Variants in PPP1R9B observed in about 807,000 individuals in gnomAD.
The protein encoded by PPP1R9B is neurabin-2.
PPP1R9B carries 17 observed loss-of-function variants against 75.8 expected under a neutral mutation model. The observed-to-expected ratio is 0.22, with a 90% CI of 0.15 to 0.34. PPP1R9B has a LOEUF of 0.34. Among genes scored for constraint, PPP1R9B ranks in the 10% least tolerant of loss-of-function variants. The probability of loss-of-function intolerance (pLI) is 1.00; values close to 1 mark genes in which losing one functional copy is unlikely to be tolerated. For missense variants in PPP1R9B, 875 were observed against 1,196.0 expected (o/e 0.73, Z 3.96); for synonymous variants, 509 against 535.4 (o/e 0.95, Z 0.68).
At chr17:50,147,704 C>T (rs1169006465) in intron 1 of PPP1R9B, among the ~76,000 whole-genome samples, 1 of 152,088 alleles carries the variant, frequency 6.6e-6, no homozygotes, top group Non-Finnish European at 1.5e-5. Context: ...AGAAACACTA[C>T]AGTCCCCCAT....
chr17:50,135,056 G>A lies in PPP1R9B; in HGVS notation c.*275C>T, dbSNP rs948385663. On this transcript the variant is annotated 3_prime_UTR_variant, in exon 10 of 10. Coordinates refer to ENST00000612501, the MANE Select transcript of PPP1R9B (RefSeq NM_032595.5). ...AGGTGCTTGTGTCCGTCGACCACCAGGCCAGCCCTCGGCAGCCCTCGGCCT... is the reference window on the plus strand; with the variant it reads ...AGGTGCTTGTGTCCGTCGACCACCAAGCCAGCCCTCGGCAGCCCTCGGCCT... 1 of 527,550 alleles carries A rather than the reference G, an allele frequency of 1.9e-6. No homozygotes were observed. Among genetic ancestry groups the A allele is most frequent in the African/African-American group, 1.9e-5 (1 of 52,462 alleles). 32.7% of individuals were successfully genotyped at this position (527,550 alleles called of 1,614,324 possible). A position where few individuals can be genotyped will look rare whatever the true frequency, so the allele number is the denominator to read the frequency against.
Position 50,149,900 on chromosome 17 carries a change from G to T in PPP1R9B, c.614C>A (p.Ser205Tyr). ...GGCGCTGAGCTGGCTGACCGTGGGG[G>T]ACACGGCGTCAGCGTCCAGCTTGTC... ...ALDKLDADAV[S>Y]PTVSQLSAVF... The change falls in exon 1 of 10, where the codon TCC becomes TAC. Residue 205 changes from serine to tyrosine, a missense_variant. Physicochemically the swap from Ser to Tyr is moderately radical, Grantham distance 144. This residue lies in a region of PPP1R9B where 449 missense variants were observed against 475.0 expected (regional missense o/e 0.95). Coordinates refer to ENST00000612501, the MANE Select transcript of PPP1R9B (RefSeq NM_032595.5). The surrounding 1 kb of genome is among the most constrained non-coding windows in gnomAD (Gnocchi z 7.2). 6.6e-7 allele frequency: 1 copy of T among 1,507,308 alleles called. No individual in the cohort carries two copies. The highest frequency in any genetic ancestry group is 8.8e-7 in the Non-Finnish European group (1 of 1,135,278). The allele number at this position is 1,507,308 out of a possible 1,614,324, so 93.4% of individuals were successfully genotyped here.
At position 50,143,461 on chromosome 17, in the gene PPP1R9B, G is replaced by C. The variant is rs566434616; in HGVS notation, c.1625+137C>G. The C allele has an allele frequency of 3.6e-6, 4 of 1,121,474 alleles. No individual in the cohort carries two copies. The African/African-American group carries it at 6.2e-5, about 17-fold the overall frequency. The allele number at this position is 1,121,474 out of a possible 1,614,324, so 69.5% of individuals were successfully genotyped here. On this transcript the variant is annotated intron_variant, in intron 3 of 9. Coordinates refer to ENST00000612501, the MANE Select transcript of PPP1R9B (RefSeq NM_032595.5). ...AGCACCTGGCATGGCAGTGCTCCCCGAACATCTCAGCTGCACACACAGCAC... is the reference window on the plus strand; with the variant it reads ...AGCACCTGGCATGGCAGTGCTCCCCCAACATCTCAGCTGCACACACAGCAC...
rs570006839 is a variant in PPP1R9B, at chr17:50,139,028, G to A, written c.2073+235C>T. ...GATCCTGTGGTGTTGGTGCTATTAC[G>A]ACCTCATTTTATAGATGAGGAGGCT... On this transcript the variant is annotated intron_variant, in intron 7 of 9. Coordinates refer to ENST00000612501, the MANE Select transcript of PPP1R9B (RefSeq NM_032595.5). The surrounding 1 kb of genome is among the most constrained non-coding windows in gnomAD (Gnocchi z 5.0). 6.6e-6 allele frequency among the ~76,000 whole-genome samples: 1 copy of A among 152,334 alleles called. No individual in the cohort carries two copies. Among genetic ancestry groups the A allele is most frequent in the African/African-American group, 2.4e-5 (1 of 41,584 alleles).
Position 50,149,123 on chromosome 17 carries a change from G to A in PPP1R9B, c.1371+20C>T, listed in dbSNP as rs1469604091. 5 of 1,415,194 alleles carry A rather than the reference G, an allele frequency of 3.5e-6. No homozygotes were observed. The East Asian group carries it at 1.1e-4, about 31-fold the overall frequency. The allele number at this position is 1,415,194 out of a possible 1,614,324, so 87.7% of individuals were successfully genotyped here. A position where few individuals can be genotyped will look rare whatever the true frequency, so the allele number is the denominator to read the frequency against. ...ACGTGGCAGGGGCGGCGCGGGGGCA[G>A]GGCGGGGGGGCTCACTTACTTGGAT... is the stretch of plus-strand genomic sequence containing the variant. On this transcript the variant is annotated intron_variant, in intron 1 of 9. Coordinates refer to ENST00000612501, the MANE Select transcript of PPP1R9B (RefSeq NM_032595.5). This position sits in a 1 kb window ranked among gnomAD's most constrained non-coding sequence, Gnocchi z 7.2.
chr17:50,135,659 G>C lies in PPP1R9B; in HGVS notation c.2304-10C>G, dbSNP rs909171224. ...CAGGAACTCGATCTCCCTGGGCACA[G>C]GCAAGGGACAGATGGCAGGTAAGGG... is the stretch of plus-strand genomic sequence containing the variant. On this transcript the variant is annotated splice_polypyrimidine_tract_variant and intron_variant, in intron 8 of 9. Transcript: ENST00000612501. 4 of 1,597,886 alleles carry C rather than the reference G, an allele frequency of 2.5e-6. No individual in the cohort carries two copies. The highest frequency in any genetic ancestry group is 1.1e-5 in the South Asian group (1 of 88,442).
At chr17:50,135,469 TC>T in intron 9 of PPP1R9B, 83 bp downstream of exon 9, 1 of 1,572,548 alleles carries the variant, frequency 6.4e-7, no homozygotes, top group Non-Finnish European at 8.7e-7. Context: ...GGACATGGCA[TC>T]CCCTCCCTCC....
chr17:50,143,904 C>T (rs527542432), intron 2 of PPP1R9B, among the ~76,000 whole-genome samples, 186 bp from the exon 3 acceptor site: 5 of 152,228 alleles, frequency 3.3e-5, no homozygotes, highest in African/African-American at 4.8e-5. Context: ...GCTCCTGAGC[C>T]GCTCCCTGCC....
rs866552700 is a variant in PPP1R9B, at chr17:50,141,269, C to T, written c.1730G>A (p.Arg577Gln). The part of the protein sequence containing the change: ...SVLRNTKGRV[R>Q]FMIGRERPGE... ...ACGCCCCACCCCTCTGGGCTCTCAC[C>T]GCACTCGGCCCTTGGTGTTCCGGAG... Residue 577 changes from arginine to glutamine, a missense_variant and splice_region_variant, in exon 4 of 10, where the codon CGG becomes CAG. Physicochemically the swap from Arg to Gln is conservative, Grantham distance 43. Around this residue, in one of 4 missense-constraint regions of PPP1R9B, gnomAD observed 218 missense variants for 334.6 expected, o/e 0.65. Transcript: ENST00000612501. 1.9e-6 allele frequency: 3 copies of T among 1,571,256 alleles called. No homozygotes were observed. The highest frequency in any genetic ancestry group is 2.6e-6 in the Non-Finnish European group (3 of 1,159,692).
chr17:50,150,181 C>T lies in PPP1R9B; in HGVS notation c.333G>A (p.Leu111=). 1 of 1,457,248 alleles carries T rather than the reference C, an allele frequency of 6.9e-7. No individual in the cohort carries two copies. The allele number at this position is 1,457,248 out of a possible 1,614,324, so 90.3% of individuals were successfully genotyped here. The stretch of plus-strand genomic sequence containing the variant: ...GCTCCGACACGCTGGTGCCCAGCTT[C>T]AGCAGGGCGCTGTGGTCCACGTTCT... ...LNENVDHSAL[L]KLGTSVSERV... Residue 111 remains leucine, a synonymous_variant, in exon 1 of 10, where the codon CTG becomes CTA. Transcript: ENST00000612501. The surrounding 1 kb of genome is among the most constrained non-coding windows in gnomAD (Gnocchi z 8.7).
In PPP1R9B at chr17:50,142,586, C is replaced by G. The variant is rs1912414019; in HGVS notation, c.1625+1012G>C. 2.0e-5 allele frequency among the ~76,000 whole-genome samples: 3 copies of G among 152,176 alleles called. No individual in the cohort carries two copies. Among genetic ancestry groups the G allele is most frequent in the East Asian group, 1.9e-4 (1 of 5,192 alleles). On this transcript the variant is annotated intron_variant, in intron 3 of 9. Transcript: ENST00000612501. This position sits in a 1 kb window ranked among gnomAD's most constrained non-coding sequence, Gnocchi z 4.1. ...TCACCCAGATCCCAAAGGACACCTG[C>G]TCACCTCTGTCACATGGAGGGGGTC...
rs1912670905 is a variant in PPP1R9B, at chr17:50,150,570, G to T, written c.-57C>A. On this transcript the variant is annotated 5_prime_UTR_variant, in exon 1 of 10. Coordinates refer to ENST00000612501, the MANE Select transcript of PPP1R9B (RefSeq NM_032595.5). The surrounding 1 kb of genome is among the most constrained non-coding windows in gnomAD (Gnocchi z 8.7). ...TCCCCGCTCCCCCGCTTCAACAGGC[G>T]GCTGGCCAAGTCGGGACCACCGCCC... The T allele has an allele frequency of 4.0e-6, 5 of 1,253,922 alleles. No individual in the cohort carries two copies. Among genetic ancestry groups the T allele is most frequent in the Non-Finnish European group, 5.0e-6 (5 of 1,000,410 alleles). 77.7% of individuals were successfully genotyped at this position (1,253,922 alleles called of 1,614,324 possible). A position where few individuals can be genotyped will look rare whatever the true frequency, so the allele number is the denominator to read the frequency against.
At chr17:50,146,761 C>T (rs1356117757) in intron 1 of PPP1R9B, among the ~76,000 whole-genome samples, 1 of 152,230 alleles carries the variant, frequency 6.6e-6, no homozygotes, top group African/African-American at 2.4e-5. Context: ...TCCAGGGCAC[C>T]AGGCCCACTG....
At chr17:50,143,252 A>G (rs1411112836) in intron 3 of PPP1R9B, among the ~76,000 whole-genome samples, 1 of 151,988 alleles carries the variant, frequency 6.6e-6, no homozygotes, top group Non-Finnish European at 1.5e-5. Flanking sequence ...ATGTCCAGCG[A>G]AAAAAAAGCT....
chr17:50,145,001 G>A (rs2144451983), intron 2 of PPP1R9B, 112 bp downstream of exon 2: 1 of 1,328,466 alleles, frequency 7.5e-7, no homozygotes, highest in Non-Finnish European at 1.0e-6. Flanking sequence ...AGAGGGAGAG[G>A]CCCAGCAAGT....
At chr17:50,141,479 T>G (rs1452843542) in intron 3 of PPP1R9B, 106 bp from the exon 4 acceptor site, 6 of 646,754 alleles carry the variant, frequency 9.3e-6, no homozygotes, top group Non-Finnish European at 1.6e-5. Context: ...GAGTACATAG[T>G]GAGAACTCAT....
chr17:50,143,579 G>T lies in PPP1R9B; in HGVS notation c.1625+19C>A, dbSNP rs371637650. ...CGGAGAGGGAAAAAGGGTCAGGCGA[G>T]ACTGGGGAGGATTGGTACCTGCCAT... On this transcript the variant is annotated intron_variant, in intron 3 of 9. Coordinates refer to ENST00000612501, the MANE Select transcript of PPP1R9B (RefSeq NM_032595.5). The T allele has an allele frequency of 6.2e-7, 1 of 1,613,664 alleles. No homozygotes were observed. The highest frequency in any genetic ancestry group is 8.5e-7 in the Non-Finnish European group (1 of 1,179,830).
chr17:50,145,304 TGAGGAGGCC>T (rs1163774925), intron 1 of PPP1R9B, 59 bp from the exon 2 acceptor site: 1 of 1,604,708 alleles, frequency 6.2e-7, no homozygotes, highest in Admixed American at 1.7e-5. Context: ...AGAACTGGCA[TGAGGAGGCC>T]GAGGAGGCAG....
At chr17:50,138,186 GTGTGTGTGTGC>G (rs1234626340) in intron 7 of PPP1R9B, among the ~76,000 whole-genome samples, 1 of 137,470 alleles carries the variant, frequency 7.3e-6, no homozygotes, top group Admixed American at 6.9e-5. Context: ...GTGTGTGTGT[GTGTGTGTGTGC>G]CACGTGTCTC....
Sources: gnomAD v4.1 joint callset for allele counts (sites outside exome capture counted in the v4.1 genomes callset) on GRCh38, gnomAD v4.1.1 for gene constraint, gnomAD v4.1.1 regional missense constraint, Gnocchi (gnomAD v3.1) non-coding constraint, MANE v1.5 for transcripts, NCBI Gene and HGNC (gene_info 2026-07-23, HGNC 2026-07-21) for gene names.